ELMO1: variants seen among roughly 807,000 people sequenced by gnomAD.
ELMO1 encodes the protein engulfment and cell motility protein 1.
A neutral mutation model predicts 98.9 loss-of-function variants in ELMO1; 26 were observed. The ratio of observed to expected loss-of-function variants is 0.26; its 90% CI spans 0.19 to 0.36. The LOEUF (loss-of-function observed/expected upper bound fraction) is 0.36, where lower values mean the gene tolerates loss of function less well. Among genes scored for constraint, ELMO1 ranks in the 10% least tolerant of loss-of-function variants. The pLI is 1.00. For missense variants in ELMO1, 627 were observed against 935.2 expected, an observed-to-expected ratio of 0.67 and a Z score of 4.30; for synonymous variants, 346 against 346.0, an observed-to-expected ratio of 1.00 and a Z score of 0.00.
At chr7:36,882,938 T>C (rs963151077) in intron 18 of ELMO1, among the ~76,000 whole-genome samples, 3 of 152,216 alleles carry the variant, frequency 2.0e-5, no homozygotes, top group Non-Finnish European at 4.4e-5. Flanking sequence ...TTTTCATAAT[T>C]TGAAAATATG....
intron 13 of ELMO1, among the ~76,000 whole-genome samples, chr7:37,142,549 CTA>C (rs1359231425): frequency 6.6e-6 from 1 of 152,214 alleles, no homozygotes; most frequent in Non-Finnish European, 1.5e-5. Context: ...TATGTCTCAA[CTA>C]TGTTTTGTTC....
intron 15 of ELMO1, among the ~76,000 whole-genome samples, chr7:37,036,134 G>C (rs1057199754): frequency 1.3e-5 from 2 of 151,760 alleles, no homozygotes. Context: ...TAATTTTTTG[G>C]ATATTTCTAG....
intron 5 of ELMO1, among the ~76,000 whole-genome samples, chr7:37,261,251 T>C (rs1219510093): frequency 6.6e-6 from 1 of 152,184 alleles, no homozygotes; most frequent in East Asian, 1.9e-4. Context: ...ACAAAGGAAA[T>C]TGAAGTTCAG....
chr7:37,068,420 G>GC (rs1797097129), intron 15 of ELMO1, among the ~76,000 whole-genome samples: 1 of 152,118 alleles, frequency 6.6e-6, no homozygotes, highest in Non-Finnish European at 1.5e-5. Context: ...GTTGACAGTG[G>GC]CCAATGTATA....
In ELMO1 at chr7:37,314,879, C is replaced by T. The variant is rs1339960421; in HGVS notation, c.163G>A (p.Asp55Asn). 1.2e-6 allele frequency: 2 copies of T among 1,613,600 alleles called. No homozygotes were observed. The highest frequency in any genetic ancestry group is 1.7e-6 in the Non-Finnish European group (2 of 1,179,898). Reference protein sequence around the residue: ...NHEYFALQHADSSNFYITEKN... With the variant: ...NHEYFALQHANSSNFYITEKN... The stretch of plus-strand genomic sequence containing the variant: ...TCTGTGATATAGAAGTTTGAACTAT[C>T]GGCATGCTGGAGTGCAAAATATTCA... Residue 55 changes from aspartate to asparagine, a missense_variant, in exon 4 of 22, where the codon GAT (aspartate) becomes AAT (asparagine). Coordinates refer to ENST00000310758, the MANE Select transcript of ELMO1 (RefSeq NM_014800.11).
At position 37,096,712 on chromosome 7, in the gene ELMO1, T is replaced by C; in HGVS notation, c.1207A>G (p.Ser403Gly). 4 of 1,614,134 alleles carry C rather than the reference T, an allele frequency of 2.5e-6. No individual in the cohort carries two copies. The highest frequency in any genetic ancestry group is 3.4e-6 in the Non-Finnish European group (4 of 1,179,974). Reference protein sequence around the residue: ...DAYIRIVLENSSREDKHECPF... With the variant: ...DAYIRIVLENGSREDKHECPF... The stretch of plus-strand genomic sequence containing the variant: ...CATTCATGCTTGTCTTCTCGACTAC[T>C]GTTCTCAAGCACAATCTGTAATGGG... The change falls in exon 15 of 22, where the codon AGT becomes GGT. Residue 403 changes from serine to glycine, a missense_variant. By Grantham distance (56) the Ser-to-Gly change is moderately conservative (BLOSUM62 0). Coordinates refer to ENST00000310758, the MANE Select transcript of ELMO1 (RefSeq NM_014800.11).
chr7:36,963,859 A>G (rs571939309), intron 16 of ELMO1, among the ~76,000 whole-genome samples: 2 of 152,294 alleles, frequency 1.3e-5, no homozygotes, highest in South Asian at 4.1e-4. Flanking sequence ...TTGATTACAG[A>G]AAAGCTATAA....
At chr7:36,914,802 G>A (rs1211261827) in intron 16 of ELMO1, among the ~76,000 whole-genome samples, 2 of 152,208 alleles carry the variant, frequency 1.3e-5, no homozygotes, top group South Asian at 2.1e-4. Context: ...ATGAGCCACC[G>A]CACCCAGCCG....
In ELMO1 at chr7:37,310,556, T is replaced by A. The variant is rs550956244; in HGVS notation, c.192+4294A>T. Among the ~76,000 whole-genome samples, 42 of 152,320 alleles carry A rather than the reference T, an allele frequency of 2.8e-4. No individual in the cohort carries two copies. The East Asian group carries it at 7.9e-3, about 29-fold the overall frequency. On this transcript the variant is annotated intron_variant, in intron 4 of 21. Coordinates refer to ENST00000310758, the MANE Select transcript of ELMO1 (RefSeq NM_014800.11). ...TTACCTGTTACAACTTCCTCCAAGT[T>A]ACCCTCAGAAGGAATAAGGAAGCCA...
At chr7:37,182,085 G>A (rs985636111) in intron 13 of ELMO1, among the ~76,000 whole-genome samples, 1 of 152,192 alleles carries the variant, frequency 6.6e-6, no homozygotes, top group African/African-American at 2.4e-5. Flanking sequence ...GGCTTGGAAG[G>A]TAAGAGGTGA....
chr7:37,039,773 AT>A (rs1373524383), intron 15 of ELMO1, among the ~76,000 whole-genome samples: 2 of 152,356 alleles, frequency 1.3e-5, no homozygotes, highest in Middle Eastern at 3.4e-3. Context: ...ATTTAGATAA[AT>A]AAAATTGTTG....
chr7:37,360,669 C>T (rs1478199284), intron 1 of ELMO1, among the ~76,000 whole-genome samples: 1 of 152,138 alleles, frequency 6.6e-6, no homozygotes, highest in Admixed American at 6.6e-5. Context: ...AGATTTCAAC[C>T]CAATACTCAG....
chr7:37,101,452 C>T (rs907337031), intron 14 of ELMO1, among the ~76,000 whole-genome samples: 3 of 152,124 alleles, frequency 2.0e-5, no homozygotes, highest in African/African-American at 7.2e-5. Context: ...GAAGAAGGGG[C>T]TACATTCTCT....
intron 1 of ELMO1, among the ~76,000 whole-genome samples, chr7:37,423,023 T>G (rs1284904835): frequency 6.6e-6 from 1 of 152,214 alleles, no homozygotes; most frequent in Non-Finnish European, 1.5e-5. Flanking sequence ...TGTTTAAATT[T>G]TCCTATCTGG....
chr7:37,359,579 C>T (rs1279743612), intron 1 of ELMO1, among the ~76,000 whole-genome samples: 1 of 152,122 alleles, frequency 6.6e-6, no homozygotes, highest in Non-Finnish European at 1.5e-5. Context: ...TATCATAATC[C>T]CCACCCTAAA....
intron 16 of ELMO1, among the ~76,000 whole-genome samples, chr7:36,948,858 T>C (rs1425223710): frequency 1.3e-5 from 2 of 151,584 alleles, no homozygotes; most frequent in Non-Finnish European, 2.9e-5. Context: ...CTCACTCTTT[T>C]TGTTTGTTTG....
intron 1 of ELMO1, among the ~76,000 whole-genome samples, chr7:37,381,976 G>C (rs1474366722): frequency 1.3e-5 from 2 of 152,068 alleles, no homozygotes; most frequent in Non-Finnish European, 2.9e-5. Flanking sequence ...TTATATAGTA[G>C]TTTTCTTTAA....
intron 13 of ELMO1, among the ~76,000 whole-genome samples, chr7:37,134,556 C>A (rs532632484): frequency 1.7e-5 from 2 of 118,964 alleles, no homozygotes; most frequent in African/African-American, 8.8e-5. Flanking sequence ...AAGACTCCAT[C>A]TCAAAAAAAA....
chr7:37,315,947 G>T lies in ELMO1; in HGVS notation c.92C>A (p.Ser31Tyr), dbSNP rs750670212. 3 of 1,601,064 alleles carry T rather than the reference G, an allele frequency of 1.9e-6. No individual in the cohort carries two copies. Among genetic ancestry groups the T allele is most frequent in the South Asian group, 1.1e-5 (1 of 88,016 alleles). Residue 31 changes from serine to tyrosine, a missense_variant, in exon 3 of 22, where the codon TCT becomes TAT. This residue lies in a region of ELMO1 where 123 missense variants were observed against 171.2 expected (regional missense o/e 0.72). Coordinates refer to ENST00000310758, the MANE Select transcript of ELMO1 (RefSeq NM_014800.11). ...ATCACAGACTTCCTTTATTATTGCA[G>T]ACAGTGGTTTTTTCTGCAAAATAAC... ...LMEIDQKKPL[S>Y]AIIKEVCDGW...
Sources: gnomAD v4.1 joint callset for allele counts (sites outside exome capture counted in the v4.1 genomes callset) on GRCh38, gnomAD v4.1.1 for gene constraint, gnomAD v4.1.1 regional missense constraint, MANE v1.5 for transcripts, NCBI Gene and HGNC (gene_info 2026-07-23, HGNC 2026-07-21) for gene names.